SPATA12: variants seen among roughly 807,000 people sequenced by gnomAD.
SPATA12 encodes spermatogenesis-associated protein 12.
For missense variants in SPATA12, 219 were observed against 226.4 expected, an observed-to-expected ratio of 0.97 and a Z score of 0.21; for synonymous variants, 85 against 89.2, an observed-to-expected ratio of 0.95 and a Z score of 0.26.
intron 1 of SPATA12, among the ~76,000 whole-genome samples, chr3:57,067,121 T>C (rs1206186421): frequency 1.3e-5 from 2 of 152,172 alleles, no homozygotes; most frequent in Non-Finnish European, 2.9e-5. Context: ...TAAAAATATA[T>C]TTTTTAAAAA....
At chr3:57,064,611 A>C (rs1377314299) in intron 1 of SPATA12, among the ~76,000 whole-genome samples, 1 of 152,250 alleles carries the variant, frequency 6.6e-6, no homozygotes, top group Non-Finnish European at 1.5e-5. Context: ...CCCAGCCCAA[A>C]GGAAGGAAAT....
rs1706039727 is a variant in SPATA12, at chr3:57,073,366, C to A, written c.-329C>A. 7.7e-6 allele frequency: 2 copies of A among 260,748 alleles called. No homozygotes were observed. Among genetic ancestry groups the A allele is most frequent in the Non-Finnish European group, 7.3e-6 (1 of 137,748 alleles). 16.2% of individuals were successfully genotyped at this position (260,748 alleles called of 1,614,324 possible). A position where few individuals can be genotyped will look rare whatever the true frequency, so the allele number is the denominator to read the frequency against. On this transcript the variant is annotated splice_region_variant and 5_prime_UTR_variant, in exon 2 of 2. Coordinates refer to ENST00000334325, the MANE Select transcript of SPATA12 (RefSeq NM_181727.2). ...CAGGATTTCTTATTTATGTTTCTAG[C>A]CAAAAGGGAAGGAAAGAGAGAGAAA...
At chr3:57,065,683 T>C (rs1705487098) in intron 1 of SPATA12, among the ~76,000 whole-genome samples, 1 of 152,206 alleles carries the variant, frequency 6.6e-6, no homozygotes, top group Admixed American at 6.5e-5. Flanking sequence ...TCATACAGGC[T>C]GAGTTCCCAC....
intron 1 of SPATA12, among the ~76,000 whole-genome samples, chr3:57,071,116 T>A (rs1341312631): frequency 1.3e-5 from 2 of 152,090 alleles, no homozygotes; most frequent in African/African-American, 4.8e-5. Flanking sequence ...AGGATAGACA[T>A]ATAGATGAAT....
chr3:57,075,016 T>C lies in SPATA12; in HGVS notation c.*749T>C, dbSNP rs73099731. On this transcript the variant is annotated 3_prime_UTR_variant, in exon 2 of 2. Coordinates refer to ENST00000334325, the MANE Select transcript of SPATA12 (RefSeq NM_181727.2). ...TCCCCTTCTGCAGTGAGATAGACCA[T>C]GTCCAGTGCTCAGGAGTTGACTGGC... The C allele has an allele frequency of 3.5e-3, 583 of 167,286 alleles. 2 individuals are homozygous for C. The highest frequency in any genetic ancestry group is 6.2e-3 in the Non-Finnish European group (421 of 68,210). 10.4% of individuals were successfully genotyped at this position (167,286 alleles called of 1,614,324 possible). A position where few individuals can be genotyped will look rare whatever the true frequency, so the allele number is the denominator to read the frequency against.
At chr3:57,068,796 C>T (rs930593878) in intron 1 of SPATA12, among the ~76,000 whole-genome samples, 2 of 152,094 alleles carry the variant, frequency 1.3e-5, no homozygotes, top group Non-Finnish European at 2.9e-5. Flanking sequence ...TTGTGTTTTT[C>T]CCCTAACTTT....
At chr3:57,064,819 G>C (rs1437016728) in intron 1 of SPATA12, among the ~76,000 whole-genome samples, 2 of 152,218 alleles carry the variant, frequency 1.3e-5, no homozygotes, top group East Asian at 3.8e-4. Flanking sequence ...AATGGATACA[G>C]TGTTTCAGTG....
Position 57,062,468 on chromosome 3 carries a change from G to C in SPATA12, c.-330+1682G>C, listed in dbSNP as rs1299160141. 3.3e-5 allele frequency among the ~76,000 whole-genome samples: 5 copies of C among 152,312 alleles called. No homozygotes were observed. The East Asian group carries it at 9.6e-4, about 29-fold the overall frequency. On this transcript the variant is annotated intron_variant, in intron 1 of 1. Coordinates refer to ENST00000334325, the MANE Select transcript of SPATA12 (RefSeq NM_181727.2). ...GAGCACGGCGGCGGGGGCGGGGGGT[G>C]CTCAGGAGCATGGGGAAGCCTTTCA...
In SPATA12 at chr3:57,075,383, A is replaced by T. The variant is rs955639564; in HGVS notation, c.*1116A>T. 6.0e-6 allele frequency: 1 copy of T among 167,116 alleles called. No individual in the cohort carries two copies. The highest frequency in any genetic ancestry group is 1.5e-5 in the Non-Finnish European group (1 of 68,138). The allele number at this position is 167,116 out of a possible 1,614,324, so 10.4% of individuals were successfully genotyped here. A position where few individuals can be genotyped will look rare whatever the true frequency, so the allele number is the denominator to read the frequency against. ...TCAGTACCAGGGCAATGCCTCGCAC[A>T]GAGTAGCCCTCTCTCCCTAAATGTT... is the stretch of plus-strand genomic sequence containing the variant. On this transcript the variant is annotated 3_prime_UTR_variant, in exon 2 of 2. Coordinates refer to ENST00000334325, the MANE Select transcript of SPATA12 (RefSeq NM_181727.2).
Position 57,073,405 on chromosome 3 carries a change from G to A in SPATA12, c.-290G>A, listed in dbSNP as rs1050750216. ...AAGAGAGAGAAAGCCACTGGAGTTG[G>A]GCAGCGTGGGAAGCTGTGAAAGTGG... is the stretch of plus-strand genomic sequence containing the variant. On this transcript the variant is annotated 5_prime_UTR_variant, in exon 2 of 2. Coordinates refer to ENST00000334325, the MANE Select transcript of SPATA12 (RefSeq NM_181727.2). 3.2e-5 allele frequency: 11 copies of A among 347,266 alleles called. No homozygotes were observed. The highest frequency in any genetic ancestry group is 5.7e-5 in the Non-Finnish European group (11 of 192,078). 21.5% of individuals were successfully genotyped at this position (347,266 alleles called of 1,614,324 possible). A position where few individuals can be genotyped will look rare whatever the true frequency, so the allele number is the denominator to read the frequency against.
At chr3:57,072,772 C>A (rs892759347) in intron 1 of SPATA12, among the ~76,000 whole-genome samples, 1 of 151,084 alleles carries the variant, frequency 6.6e-6, no homozygotes, top group Non-Finnish European at 1.5e-5. Flanking sequence ...ACAAGCCAGG[C>A]GTGGTGGCTC....
Position 57,073,650 on chromosome 3 carries a change from C to A in SPATA12, c.-45C>A. On this transcript the variant is annotated 5_prime_UTR_variant, in exon 2 of 2. Coordinates refer to ENST00000334325, the MANE Select transcript of SPATA12 (RefSeq NM_181727.2). Reference sequence around the variant, plus strand: ...CTCAGGGATTGGCTCCGGCCAAGTGCCCCAGCCTCCTTTTCTGGAGAATTC... The same window carrying A: ...CTCAGGGATTGGCTCCGGCCAAGTGACCCAGCCTCCTTTTCTGGAGAATTC... The A allele has an allele frequency of 1.3e-6, 2 of 1,571,966 alleles. No homozygotes were observed. The highest frequency in any genetic ancestry group is 1.8e-5 in the Admixed American group (1 of 54,982).
Position 57,060,697 on chromosome 3 carries a change from C to G in SPATA12, c.-419C>G, listed in dbSNP as rs1705174517. 1 of 152,308 alleles carries G rather than the reference C, an allele frequency of 6.6e-6. No individual in the cohort carries two copies. Among genetic ancestry groups the G allele is most frequent in the South Asian group, 2.1e-4 (1 of 4,834 alleles). The allele number at this position is 152,308 out of a possible 1,614,324, so 9.4% of individuals were successfully genotyped here. ...TGAGAAAATTCTTTGTGCAGGCTCACCTTCCCCTCATCTCCCCCACTCTTC... is the reference window on the plus strand; with the variant it reads ...TGAGAAAATTCTTTGTGCAGGCTCAGCTTCCCCTCATCTCCCCCACTCTTC... On this transcript the variant is annotated 5_prime_UTR_variant, in exon 1 of 2. Transcript: ENST00000334325.
chr3:57,074,485 G>C lies in SPATA12; in HGVS notation c.*218G>C. 2 of 585,040 alleles carry C rather than the reference G, an allele frequency of 3.4e-6. No homozygotes were observed. Among genetic ancestry groups the C allele is most frequent in the Non-Finnish European group, 6.2e-6 (2 of 320,938 alleles). The allele number at this position is 585,040 out of a possible 1,614,324, so 36.2% of individuals were successfully genotyped here. A position where few individuals can be genotyped will look rare whatever the true frequency, so the allele number is the denominator to read the frequency against. On this transcript the variant is annotated 3_prime_UTR_variant, in exon 2 of 2. Coordinates refer to ENST00000334325, the MANE Select transcript of SPATA12 (RefSeq NM_181727.2). The stretch of plus-strand genomic sequence containing the variant: ...CAAGATTCAGAAAGGTTAAGTTACT[G>C]GCACAAGGTCACACAATCCAGATCT...
At chr3:57,066,503 T>A (rs1705546489) in intron 1 of SPATA12, among the ~76,000 whole-genome samples, 1 of 152,216 alleles carries the variant, frequency 6.6e-6, no homozygotes, top group South Asian at 2.1e-4. Context: ...CCTCAAGTGA[T>A]CCATCCGCCT....
intron 1 of SPATA12, among the ~76,000 whole-genome samples, chr3:57,067,371 C>A (rs757270846): frequency 6.6e-6 from 1 of 151,418 alleles, no homozygotes; most frequent in African/African-American, 2.4e-5. Context: ...GGGAGAATGG[C>A]GTGAACCCAG....
chr3:57,073,628 A>G lies in SPATA12; in HGVS notation c.-67A>G. ...GTTGCAAGAGTGCTGCATGCTCCTC[A>G]GGGATTGGCTCCGGCCAAGTGCCCC... On this transcript the variant is annotated 5_prime_UTR_variant, in exon 2 of 2. Coordinates refer to ENST00000334325, the MANE Select transcript of SPATA12 (RefSeq NM_181727.2). 1 of 1,534,970 alleles carries G rather than the reference A, an allele frequency of 6.5e-7. No homozygotes were observed. The highest frequency in any genetic ancestry group is 1.3e-5 in the South Asian group (1 of 76,880).
intron 1 of SPATA12, among the ~76,000 whole-genome samples, chr3:57,062,929 A>C (rs1056288487): frequency 6.6e-6 from 1 of 152,240 alleles, no homozygotes; most frequent in African/African-American, 2.4e-5. Context: ...CCCTGCCCTC[A>C]TGGAATTTAC....
At position 57,073,629 on chromosome 3, in the gene SPATA12, G is replaced by A; in HGVS notation, c.-66G>A. On this transcript the variant is annotated 5_prime_UTR_variant, in exon 2 of 2. Coordinates refer to ENST00000334325, the MANE Select transcript of SPATA12 (RefSeq NM_181727.2). ...TTGCAAGAGTGCTGCATGCTCCTCA[G>A]GGATTGGCTCCGGCCAAGTGCCCCA... The A allele has an allele frequency of 6.5e-7, 1 of 1,536,912 alleles. No individual in the cohort carries two copies. Among genetic ancestry groups the A allele is most frequent in the South Asian group, 1.3e-5 (1 of 77,124 alleles).
Sources: allele counts gnomAD v4.1 joint callset (sites outside exome capture counted in the v4.1 genomes callset), GRCh38; gene constraint gnomAD v4.1.1; transcripts MANE v1.5; gene names NCBI Gene and HGNC (gene_info 2026-07-23, HGNC 2026-07-21).